Variants in SYN2 observed in about 807,000 individuals in gnomAD.
The protein encoded by SYN2 is synapsin-2.
A neutral mutation model predicts 50.9 loss-of-function variants in SYN2; 19 were observed. The observed-to-expected ratio is 0.37, with a 90% CI of 0.26 to 0.55. The LOEUF is 0.55. Ranked by LOEUF, SYN2 falls within the 20% of genes least tolerant of loss-of-function variation. The pLI is 0.81. For missense variants in SYN2, 587 were observed against 576.4 expected (o/e 1.02, Z -0.19); for synonymous variants, 255 against 224.9 (o/e 1.13, Z -1.20).
intron 1 of SYN2, among the ~76,000 whole-genome samples, chr3:12,101,941 A>G (rs776537792): frequency 3.3e-5 from 5 of 152,148 alleles, no homozygotes; most frequent in Admixed American, 6.5e-5. Context: ...AATTTAGCCT[A>G]GCAACTAGTT....
chr3:12,075,516 T>C (rs1695450173), intron 1 of SYN2, among the ~76,000 whole-genome samples: 1 of 152,148 alleles, frequency 6.6e-6, no homozygotes, highest in Non-Finnish European at 1.5e-5. Context: ...CTTGCTATTA[T>C]AGTAGAAGAA....
intron 10 of SYN2, among the ~76,000 whole-genome samples, chr3:12,182,710 G>A (rs990890990): frequency 2.6e-5 from 4 of 152,222 alleles, no homozygotes; most frequent in African/African-American, 4.8e-5. Context: ...CCAAAGAGTG[G>A]ATCTGATCTC....
At chr3:12,149,423 A>T (rs539683319) in intron 4 of SYN2, among the ~76,000 whole-genome samples, 1 of 152,312 alleles carries the variant, frequency 6.6e-6, no homozygotes. Flanking sequence ...GAAAGGTCTG[A>T]GGGTTCGTTC....
At chr3:12,050,956 C>T (rs375057141) in intron 1 of SYN2, among the ~76,000 whole-genome samples, 1 of 142,926 alleles carries the variant, frequency 7.0e-6, no homozygotes, top group Non-Finnish European at 1.5e-5. Flanking sequence ...AGGATGGTCT[C>T]GATCTCCTGA....
intron 1 of SYN2, among the ~76,000 whole-genome samples, chr3:12,102,005 A>G (rs1228973645): frequency 6.6e-6 from 1 of 152,164 alleles, no homozygotes; most frequent in Non-Finnish European, 1.5e-5. Flanking sequence ...GAATGATGCA[A>G]GTGATAAGAG....
intron 11 of SYN2, chr3:12,183,760 A>C (rs1230938484): frequency 4.4e-6 from 5 of 1,137,636 alleles, no homozygotes; most frequent in Middle Eastern, 3.8e-4. Context: ...GTGTTTTTAA[A>C]AGTAATATAT....
intron 1 of SYN2, among the ~76,000 whole-genome samples, chr3:12,084,108 T>A (rs148861778): frequency 5.1e-4 from 78 of 152,326 alleles, no homozygotes; most frequent in African/African-American, 1.9e-3. Flanking sequence ...TTCTGCCCCT[T>A]GAGTTAAGCC....
rs1048747196 is a variant in SYN2, at chr3:12,034,380, G to A, written c.377+29452G>A. 3.9e-5 allele frequency among the ~76,000 whole-genome samples: 6 copies of A among 152,038 alleles called. 1 individual carries two copies. In the Middle Eastern group the frequency reaches 0.01, roughly 259 times the overall value. On this transcript the variant is annotated intron_variant, in intron 1 of 12. Transcript: ENST00000621198. ...CAATTCCTTTTCCCACTTTTTGATT[G>A]GGCTAATTTAATTGAGTCTTTCTGT...
At chr3:12,098,517 A>G (rs1384932284) in intron 1 of SYN2, among the ~76,000 whole-genome samples, 1 of 152,142 alleles carries the variant, frequency 6.6e-6, no homozygotes, top group African/African-American at 2.4e-5. Context: ...ACAAATTAAT[A>G]TGTTAATTGT....
intron 1 of SYN2, among the ~76,000 whole-genome samples, chr3:12,113,522 T>C (rs1275961538): frequency 6.6e-6 from 1 of 152,158 alleles, no homozygotes; most frequent in Non-Finnish European, 1.5e-5. Context: ...TGCCATTAAG[T>C]GCATTCACAG....
chr3:12,038,839 T>C (rs1163805653), intron 1 of SYN2, among the ~76,000 whole-genome samples: 2 of 152,198 alleles, frequency 1.3e-5, no homozygotes, highest in Non-Finnish European at 2.9e-5. Flanking sequence ...GAATTTTCTA[T>C]GTATAAGATC....
chr3:12,157,057 G>T, intron 5 of SYN2: 1 of 670,660 alleles, frequency 1.5e-6, no homozygotes, highest in Non-Finnish European at 2.5e-6. Context: ...AGGATTTTGT[G>T]TCCTCAGATG....
intron 1 of SYN2, among the ~76,000 whole-genome samples, chr3:12,008,096 A>T (rs1347603383): frequency 6.6e-6 from 1 of 152,212 alleles, no homozygotes; most frequent in African/African-American, 2.4e-5. Flanking sequence ...ATCGTGCTTA[A>T]ACAAGGAACA....
intron 1 of SYN2, among the ~76,000 whole-genome samples, chr3:12,037,105 C>T (rs1694515130): frequency 6.6e-6 from 1 of 152,198 alleles, no homozygotes; most frequent in African/African-American, 2.4e-5. Context: ...TCTGAGACCT[C>T]ATCATCAGAA....
chr3:12,004,447 CG>C lies in SYN2; in HGVS notation c.-104del. 1 of 317,012 alleles carries C rather than the reference CG, an allele frequency of 3.2e-6. No homozygotes were observed. Among genetic ancestry groups the C allele is most frequent in the South Asian group, 5.2e-5 (1 of 19,132 alleles). 19.6% of individuals were successfully genotyped at this position (317,012 alleles called of 1,614,324 possible). A position where few individuals can be genotyped will look rare whatever the true frequency, so the allele number is the denominator to read the frequency against. ...GGGCCTGAGTCTCTGCTGGCTAAGC[CG>C]CCGCCTCAGCCGCCTCAGTCGCCTC... On this transcript the variant is annotated 5_prime_UTR_variant, in exon 1 of 13. Coordinates refer to ENST00000621198, the MANE Select transcript of SYN2 (RefSeq NM_133625.6).
intron 1 of SYN2, among the ~76,000 whole-genome samples, chr3:12,115,373 A>T (rs1350913382): frequency 6.6e-6 from 1 of 152,202 alleles, no homozygotes; most frequent in Non-Finnish European, 1.5e-5. Flanking sequence ...CTCTGTAAGT[A>T]AAATCAACTT....
rs375151237 is a variant in SYN2, at chr3:12,154,106, G to C, written c.774+2780G>C. 7.9e-5 allele frequency among the ~76,000 whole-genome samples: 12 copies of C among 152,208 alleles called. No individual in the cohort carries two copies. In the East Asian group the frequency reaches 1.7e-3, roughly 22 times the overall value. ...AATAGACTCTCTTTAAAGGGTAGCT[G>C]TGTTACAGTTATCTCAGTCTGCCTC... On this transcript the variant is annotated intron_variant, in intron 5 of 12. Coordinates refer to ENST00000621198, the MANE Select transcript of SYN2 (RefSeq NM_133625.6).
At chr3:12,091,914 T>C (rs2125182204) in intron 1 of SYN2, among the ~76,000 whole-genome samples, 1 of 152,298 alleles carries the variant, frequency 6.6e-6, no homozygotes, top group South Asian at 2.1e-4. Context: ...TTAAATCTTC[T>C]AATAACTTCT....
chr3:12,177,843 A>T (rs900384786), intron 10 of SYN2, among the ~76,000 whole-genome samples: 1 of 152,200 alleles, frequency 6.6e-6, no homozygotes, highest in Non-Finnish European at 1.5e-5. Flanking sequence ...CAGAAGACTC[A>T]GGGACTGCCC....
Sources: gnomAD v4.1 joint callset for allele counts (sites outside exome capture counted in the v4.1 genomes callset) on GRCh38, gnomAD v4.1.1 for gene constraint, MANE v1.5 for transcripts, NCBI Gene and HGNC (gene_info 2026-07-23, HGNC 2026-07-21) for gene names.